ETV6: variants seen among roughly 807,000 people sequenced by gnomAD.
The protein encoded by ETV6 is ETS variant transcription factor 6.
ETV6 carries 16 observed loss-of-function variants against 51.1 expected under a neutral mutation model. That is an observed-to-expected ratio of 0.31 (90% confidence interval 0.21 to 0.48). ETV6 has a LOEUF of 0.48. Ranked by LOEUF, ETV6 falls within the 20% of genes least tolerant of loss-of-function variation. The probability of loss-of-function intolerance (pLI) is 0.99; values close to 1 mark genes in which losing one functional copy is unlikely to be tolerated. For synonymous variants in ETV6, 240 were observed against 224.1 expected, an observed-to-expected ratio of 1.07 and a Z score of -0.64; for missense variants, 458 against 594.8, an observed-to-expected ratio of 0.77 and a Z score of 2.39.
chr12:11,765,762 A>C lies in ETV6; in HGVS notation c.163+13183A>C, dbSNP rs375577409. 3.1e-4 allele frequency among the ~76,000 whole-genome samples: 47 copies of C among 152,032 alleles called. No homozygotes were observed. The East Asian group carries it at 7.3e-3, about 24-fold the overall frequency. ...CACCCTGGATAAAAGGTACTTTGGT[A>C]ACATACGTGCTTTAGGAACTATAAT... is the stretch of plus-strand genomic sequence containing the variant. On this transcript the variant is annotated intron_variant, in intron 2 of 7. Coordinates refer to ENST00000396373, the MANE Select transcript of ETV6 (RefSeq NM_001987.5).
At chr12:11,776,235 C>T (rs1250074896) in intron 2 of ETV6, among the ~76,000 whole-genome samples, 1 of 152,166 alleles carries the variant, frequency 6.6e-6, no homozygotes, top group Admixed American at 6.5e-5. Flanking sequence ...TTGTGCTATG[C>T]TAAAGCCCGT....
chr12:11,881,333 C>T (rs1191817458), intron 5 of ETV6, among the ~76,000 whole-genome samples: 3 of 152,180 alleles, frequency 2.0e-5, no homozygotes, highest in Admixed American at 2.0e-4. Context: ...ATGTGTCTGC[C>T]ATTTGATAGT....
intron 1 of ETV6, among the ~76,000 whole-genome samples, chr12:11,727,838 G>A (rs1469162695): frequency 2.0e-5 from 3 of 151,842 alleles, no homozygotes; most frequent in African/African-American, 7.3e-5. Flanking sequence ...TTTTTACTTT[G>A]AGACGGAGTC....
chr12:11,669,403 T>TTTCCTCCC (rs1315385901), intron 1 of ETV6, among the ~76,000 whole-genome samples: 4 of 101,448 alleles, frequency 3.9e-5, no homozygotes, highest in African/African-American at 1.5e-4. Flanking sequence ...CCTTTCCTCC[T>TTTCCTCCC]TTCCTCCCTT....
chr12:11,650,483 A>AAAAAAAC (rs1863876041), intron 1 of ETV6, among the ~76,000 whole-genome samples: 1 of 54,078 alleles, frequency 1.8e-5, no homozygotes, highest in African/African-American at 6.4e-5. Context: ...AGTGCGCTTA[A>AAAAAAAC]AAAAAAAAAA....
chr12:11,650,065 T>C lies in ETV6; in HGVS notation c.-63T>C. 1.3e-6 allele frequency: 2 copies of C among 1,485,274 alleles called. No homozygotes were observed. The highest frequency in any genetic ancestry group is 9.4e-7 in the Non-Finnish European group (1 of 1,063,054). 92.0% of individuals were successfully genotyped at this position (1,485,274 alleles called of 1,614,324 possible). A position where few individuals can be genotyped will look rare whatever the true frequency, so the allele number is the denominator to read the frequency against. ...TGGCTGGCCGTGGAGCCTTTCTGGG[T>C]TGGGGAGAGGAAAGGAAAGTGGAAA... On this transcript the variant is annotated 5_prime_UTR_variant, in exon 1 of 8. Transcript: ENST00000396373.
intron 2 of ETV6, among the ~76,000 whole-genome samples, chr12:11,837,700 G>A (rs995699118): frequency 6.6e-6 from 1 of 152,230 alleles, no homozygotes; most frequent in Non-Finnish European, 1.5e-5. Context: ...GTAACTTATA[G>A]TGAGAGACGG....
intron 1 of ETV6, among the ~76,000 whole-genome samples, chr12:11,710,456 A>G (rs1279151512): frequency 6.6e-6 from 1 of 152,166 alleles, no homozygotes; most frequent in Non-Finnish European, 1.5e-5. Context: ...TTTTCACAAC[A>G]ATCCCAGGTG....
At chr12:11,697,764 A>G (rs78685345) in intron 1 of ETV6, among the ~76,000 whole-genome samples, 3,469 of 152,306 alleles carry the variant, frequency 0.023, 125 homozygotes, top group African/African-American at 0.078. Context: ...CATCTTCACA[A>G]AAGTTTCCTA....
intron 1 of ETV6, among the ~76,000 whole-genome samples, chr12:11,690,153 A>G (rs1864725554): frequency 6.6e-6 from 1 of 151,524 alleles, no homozygotes; most frequent in Admixed American, 6.6e-5. Flanking sequence ...TGGCTCGCAG[A>G]CTGAGAAGGG....
At chr12:11,859,362 C>T (rs1042755927) in intron 4 of ETV6, among the ~76,000 whole-genome samples, 23 of 151,722 alleles carry the variant, frequency 1.5e-4, no homozygotes, top group African/African-American at 4.6e-4. Context: ...AGGATGGTCT[C>T]GATCTCCTGA....
At chr12:11,657,754 T>C (rs539249985) in intron 1 of ETV6, among the ~76,000 whole-genome samples, 2 of 152,186 alleles carry the variant, frequency 1.3e-5, no homozygotes, top group East Asian at 1.9e-4. Context: ...AGTTGGTGAG[T>C]GTGCTCAATG....
intron 1 of ETV6, among the ~76,000 whole-genome samples, chr12:11,658,943 A>G (rs1864050039): frequency 6.6e-6 from 1 of 152,224 alleles, no homozygotes; most frequent in South Asian, 2.1e-4. Context: ...GAACCTATTC[A>G]GGGATCTGCT....
chr12:11,875,333 TC>T (rs1946966762), intron 5 of ETV6, among the ~76,000 whole-genome samples: 1 of 152,218 alleles, frequency 6.6e-6, no homozygotes, highest in African/African-American at 2.4e-5. Flanking sequence ...TTATTTTGAA[TC>T]CAGCAGCCAA....
At chr12:11,802,028 A>G (rs569101100) in intron 2 of ETV6, among the ~76,000 whole-genome samples, 3 of 152,110 alleles carry the variant, frequency 2.0e-5, no homozygotes, top group South Asian at 4.2e-4. Context: ...AGAGCGAGGA[A>G]CTCTTTGTTT....
In ETV6 at chr12:11,840,806, G is replaced by T. The variant is rs1946378462; in HGVS notation, c.328+1502G>T. ...CATTTTGTCTCATATCATCAATTCT[G>T]TATGTAATCTCACAATAAGAAAACT... On this transcript the variant is annotated intron_variant, in intron 3 of 7. Transcript: ENST00000396373. The T allele has an allele frequency of 2.0e-5, 5 of 252,998 alleles. 1 individual carries two copies. The highest frequency in any genetic ancestry group is 1.4e-4 in the South Asian group (3 of 22,110). The allele number at this position is 252,998 out of a possible 1,614,324, so 15.7% of individuals were successfully genotyped here. A position where few individuals can be genotyped will look rare whatever the true frequency, so the allele number is the denominator to read the frequency against.
In ETV6 at chr12:11,869,854, T is replaced by G. The variant is rs756059818; in HGVS notation, c.894T>G (p.His298Gln). 9.3e-6 allele frequency: 15 copies of G among 1,613,232 alleles called. No homozygotes were observed. In the East Asian group the frequency reaches 3.1e-4, roughly 34 times the overall value. The change falls in exon 5 of 8, where the codon CAT becomes CAG. Residue 298 changes from histidine (H) to glutamine (Q), a missense_variant. Coordinates refer to ENST00000396373, the MANE Select transcript of ETV6 (RefSeq NM_001987.5). This position sits in a 1 kb window ranked among gnomAD's most constrained non-coding sequence, Gnocchi z 5.0. The stretch of plus-strand genomic sequence containing the variant: ...CCAGGCTCTCCGAGGACGGGCTGCA[T>G]AGGGAAGGGAAGCCCATCAACCTCT... ...KQSRLSEDGL[H>Q]REGKPINLSH...
intron 1 of ETV6, among the ~76,000 whole-genome samples, chr12:11,684,849 T>C (rs751620788): frequency 2.0e-5 from 3 of 152,220 alleles, no homozygotes; most frequent in Admixed American, 2.0e-4. Context: ...GGTGTTATAA[T>C]ACCCAAGAGC....
intron 1 of ETV6, among the ~76,000 whole-genome samples, chr12:11,706,721 C>T (rs1482889550): frequency 6.6e-6 from 1 of 152,156 alleles, no homozygotes; most frequent in Non-Finnish European, 1.5e-5. Flanking sequence ...TTGCAGGGCC[C>T]GACTGTTACA....
Sources: gnomAD v4.1 joint callset for allele counts (sites outside exome capture counted in the v4.1 genomes callset) on GRCh38, gnomAD v4.1.1 for gene constraint, Gnocchi (gnomAD v3.1) non-coding constraint, MANE v1.5 for transcripts, NCBI Gene and HGNC (gene_info 2026-07-23, HGNC 2026-07-21) for gene names.